Variants in ZC2HC1B observed in about 807,000 individuals in gnomAD.
ZC2HC1B encodes zinc finger C2HC domain-containing protein 1B.
In ZC2HC1B, 36 loss-of-function variants were observed where a neutral mutation model predicts 31.0. The ratio of observed to expected loss-of-function variants is 1.16; its 90% CI spans 0.89 to 1.54. ZC2HC1B has a LOEUF of 1.54. Ranked by LOEUF, ZC2HC1B falls within the 40% of genes most tolerant of loss-of-function variation. The probability of loss-of-function intolerance (pLI) is 0.00; values close to 1 mark genes in which losing one functional copy is unlikely to be tolerated. For synonymous variants in ZC2HC1B, 73 were observed against 88.0 expected (o/e 0.83, Z 0.95); for missense variants, 260 against 268.6 (o/e 0.97, Z 0.22).
chr6:143,904,536 A>T (rs1189206939), intron 6 of ZC2HC1B, among the ~76,000 whole-genome samples: 2 of 151,986 alleles, frequency 1.3e-5, no homozygotes, highest in Non-Finnish European at 2.9e-5. Flanking sequence ...TAATTTTTAA[A>T]TTTTTCGTAG....
intron 4 of ZC2HC1B, among the ~76,000 whole-genome samples, chr6:143,891,796 T>A (rs1180348146): frequency 6.6e-6 from 1 of 152,162 alleles, no homozygotes; most frequent in African/African-American, 2.4e-5. Flanking sequence ...ATATAGTTTT[T>A]AAAAAGCACA....
intron 6 of ZC2HC1B, among the ~76,000 whole-genome samples, chr6:143,907,721 T>C (rs1258606745): frequency 1.3e-5 from 2 of 152,258 alleles, no homozygotes; most frequent in Non-Finnish European, 2.9e-5. Context: ...TCCCATTCTG[T>C]AAATTGTGTG....
chr6:143,874,343 G>A (rs541713334), intron 1 of ZC2HC1B, among the ~76,000 whole-genome samples: 4 of 152,072 alleles, frequency 2.6e-5, no homozygotes. Flanking sequence ...ACATTTTCCT[G>A]TCTTCTTCTG....
intron 6 of ZC2HC1B, among the ~76,000 whole-genome samples, chr6:143,910,459 G>A (rs1777843832): frequency 6.6e-6 from 1 of 152,186 alleles, no homozygotes; most frequent in Non-Finnish European, 1.5e-5. Flanking sequence ...GGGGTGGAGA[G>A]TTCTTTAGAT....
chr6:143,867,702 C>T (rs1363257563), intron 1 of ZC2HC1B, among the ~76,000 whole-genome samples: 1 of 152,110 alleles, frequency 6.6e-6, no homozygotes. Context: ...AAAATGGGAG[C>T]CAGACTTCCT....
In ZC2HC1B at chr6:143,919,662, C is replaced by T. The variant is rs1178729977; in HGVS notation, c.598+16510C>T. On this transcript the variant is annotated intron_variant, in intron 6 of 7. Transcript: ENST00000237275. ...GTTCTTATTTGCCTACCATGGCTCC[C>T]ACAGGCCATGTCCAGATTGATCCAG... Among the ~76,000 whole-genome samples, 3 of 152,198 alleles carry T rather than the reference C, an allele frequency of 2.0e-5. No homozygotes were observed. The East Asian group carries it at 5.8e-4, about 29-fold the overall frequency.
At position 143,935,646 on chromosome 6, in the gene ZC2HC1B, CTTTTTTTTTTTTTT is replaced by C. The variant is rs759896830; in HGVS notation, c.599-1988_599-1975del. The stretch of plus-strand genomic sequence containing the variant: ...GTAGTTTAGGCCACTTGGTATCACT[CTTTTTTTTTTTTTT>C]TTTTTTTTTTTTTTGAGACAGGATC... On this transcript the variant is annotated intron_variant, in intron 6 of 7. Coordinates refer to ENST00000237275, the MANE Select transcript of ZC2HC1B (RefSeq NM_001013623.3). Among the ~76,000 whole-genome samples, 857 of 55,872 alleles carry C rather than the reference CTTTTTTTTTTTTTT, an allele frequency of 0.015. 71 individuals are homozygous for C. The East Asian group carries it at 0.27, about 18-fold the overall frequency. The allele number at this position is 55,872 out of a possible 152,430, so 36.7% of individuals were successfully genotyped here.
intron 6 of ZC2HC1B, among the ~76,000 whole-genome samples, chr6:143,932,588 T>C (rs1778132875): frequency 6.6e-6 from 1 of 152,236 alleles, no homozygotes; most frequent in East Asian, 1.9e-4. Context: ...TTTATTTAAG[T>C]TGGCTTTTAC....
chr6:143,926,822 T>A (rs35651678), intron 6 of ZC2HC1B, among the ~76,000 whole-genome samples: 1 of 149,392 alleles, frequency 6.7e-6, no homozygotes, highest in African/African-American at 2.5e-5. Context: ...TTTAGAATTG[T>A]ATCTTCTTTT....
chr6:143,908,835 G>C lies in ZC2HC1B; in HGVS notation c.598+5683G>C, dbSNP rs2128495796. Among the ~76,000 whole-genome samples the C allele has an allele frequency of 6.6e-6, 1 of 152,284 alleles. No individual in the cohort carries two copies. The highest frequency in any genetic ancestry group is 1.5e-5 in the Non-Finnish European group (1 of 68,016). ...TATGTTCAATAGGAGTGGTGAGAGA[G>C]GGCCTCTTTGTCTTGTGCCAGTTTT... is the stretch of plus-strand genomic sequence containing the variant. On this transcript the variant is annotated intron_variant, in intron 6 of 7. Transcript: ENST00000237275. This position sits in a 1 kb window ranked among gnomAD's most constrained non-coding sequence, Gnocchi z 4.4.
At chr6:143,935,916 T>C (rs550277230) in intron 6 of ZC2HC1B, among the ~76,000 whole-genome samples, 2 of 152,208 alleles carry the variant, frequency 1.3e-5, no homozygotes, top group East Asian at 3.9e-4. Flanking sequence ...TCTCAAAGTA[T>C]TGGCATTACA....
In ZC2HC1B at chr6:143,868,959, AGAAG is replaced by A. The variant is rs1352556051; in HGVS notation, c.28+4395_28+4398del. Reference sequence around the variant, plus strand: ...CATGCACAAACATGTTTTTAACAAAAGAAGGAGGAAATACTAATGACAATTACAG... The same window carrying A: ...CATGCACAAACATGTTTTTAACAAAAGAGGAAATACTAATGACAATTACAG... On this transcript the variant is annotated intron_variant, in intron 1 of 7. Transcript: ENST00000237275. The surrounding 1 kb of genome is among the most constrained non-coding windows in gnomAD (Gnocchi z 4.2). Among the ~76,000 whole-genome samples the A allele has an allele frequency of 6.6e-6, 1 of 152,212 alleles. No homozygotes were observed. The highest frequency in any genetic ancestry group is 2.4e-5 in the African/African-American group (1 of 41,458).
chr6:143,907,804 G>T (rs1162727741), intron 6 of ZC2HC1B, among the ~76,000 whole-genome samples: 2 of 152,120 alleles, frequency 1.3e-5, no homozygotes, highest in East Asian at 1.9e-4. Context: ...GTCAATTTTT[G>T]CATTTGTTGC....
rs556167406 is a variant in ZC2HC1B at position 143,870,755 on chromosome 6, G to A, written c.28+6188G>A. Among the ~76,000 whole-genome samples, 1 of 152,258 alleles carries A rather than the reference G, an allele frequency of 6.6e-6. No individual in the cohort carries two copies. The highest frequency in any genetic ancestry group is 1.9e-4 in the East Asian group (1 of 5,178). ...AGAGCCTTGCTCCAAAATCCTAGAG[G>A]CCTCCACTGTGATTCACCTTTGGGG... On this transcript the variant is annotated intron_variant, in intron 1 of 7. Transcript: ENST00000237275. The surrounding 1 kb of genome is among the most constrained non-coding windows in gnomAD (Gnocchi z 4.7).
intron 1 of ZC2HC1B, among the ~76,000 whole-genome samples, chr6:143,881,437 G>C (rs1036990429): frequency 1.3e-5 from 2 of 150,260 alleles, no homozygotes; most frequent in Non-Finnish European, 2.9e-5. Flanking sequence ...TGTTGTCCTA[G>C]CTACTCAAGA....
intron 6 of ZC2HC1B, among the ~76,000 whole-genome samples, chr6:143,925,221 GCT>G (rs1320314590): frequency 4.4e-5 from 6 of 137,276 alleles, no homozygotes; most frequent in Non-Finnish European, 9.1e-5. Context: ...TGTCGCCCAG[GCT>G]GGAGTGCAGT....
In ZC2HC1B at chr6:143,903,162, AGCAC is replaced by A; in HGVS notation, c.598+14_598+17del. The A allele has an allele frequency of 6.4e-7, 1 of 1,551,336 alleles. No homozygotes were observed. Among genetic ancestry groups the A allele is most frequent in the South Asian group, 1.2e-5 (1 of 84,046 alleles). ...GTCCCAACCAAGTCAGGTGAGTCAA[AGCAC>A]GCATTTCATCTCTCAAATGATGGGG... On this transcript the variant is annotated intron_variant, in intron 6 of 7. Coordinates refer to ENST00000237275, the MANE Select transcript of ZC2HC1B (RefSeq NM_001013623.3). This position sits in a 1 kb window ranked among gnomAD's most constrained non-coding sequence, Gnocchi z 4.3.
intron 1 of ZC2HC1B, among the ~76,000 whole-genome samples, chr6:143,878,900 C>T (rs1273618982): frequency 6.6e-6 from 1 of 152,146 alleles, no homozygotes; most frequent in Non-Finnish European, 1.5e-5. Flanking sequence ...TGCCTTCAGA[C>T]ATGCCTTATA....
chr6:143,906,174 G>C (rs1229485025), intron 6 of ZC2HC1B, among the ~76,000 whole-genome samples: 1 of 152,092 alleles, frequency 6.6e-6, no homozygotes, highest in African/African-American at 2.4e-5. Flanking sequence ...GCATTTTAAT[G>C]TCATGAGATT....
Sources: allele counts gnomAD v4.1 joint callset (sites outside exome capture counted in the v4.1 genomes callset), GRCh38; gene constraint gnomAD v4.1.1; non-coding constraint Gnocchi (gnomAD v3.1); transcripts MANE v1.5; gene names NCBI Gene and HGNC (gene_info 2026-07-23, HGNC 2026-07-21).